SLC1A1: variants seen among roughly 807,000 people sequenced by gnomAD.
The protein encoded by SLC1A1 is solute carrier family 1 member 1.
In SLC1A1, 43 loss-of-function variants were observed where a neutral mutation model predicts 53.3. That is an observed-to-expected ratio of 0.81 (90% CI 0.63 to 1.04). The LOEUF is 1.04. Among genes scored for constraint, SLC1A1 ranks in the 50% least tolerant of loss-of-function variants. The pLI, the probability that SLC1A1 is intolerant of heterozygous loss-of-function variation, is 0.00. For missense variants in SLC1A1, 748 were observed against 664.9 expected, an observed-to-expected ratio of 1.12 and a Z score of -1.37; for synonymous variants, 307 against 243.2, an observed-to-expected ratio of 1.26 and a Z score of -2.44.
intron 2 of SLC1A1, among the ~76,000 whole-genome samples, chr9:4,557,612 C>A (rs1231922746): frequency 6.7e-6 from 1 of 148,256 alleles, no homozygotes; most frequent in Admixed American, 6.8e-5. Flanking sequence ...ATAGTGAGAC[C>A]TCATCTCTAC....
At chr9:4,551,094 A>G (rs2130890369) in intron 2 of SLC1A1, among the ~76,000 whole-genome samples, 1 of 152,356 alleles carries the variant, frequency 6.6e-6, no homozygotes, top group Non-Finnish European at 1.5e-5. Context: ...AATGCACTGA[A>G]GAGACTGAAG....
At chr9:4,494,011 G>A (rs900384155) in intron 1 of SLC1A1, among the ~76,000 whole-genome samples, 1 of 152,162 alleles carries the variant, frequency 6.6e-6, no homozygotes. Flanking sequence ...TCAATAGTTA[G>A]GTGACCATCT....
chr9:4,512,365 A>C (rs1238695913), intron 1 of SLC1A1, among the ~76,000 whole-genome samples: 1 of 151,956 alleles, frequency 6.6e-6, no homozygotes, highest in Non-Finnish European at 1.5e-5. Context: ...AAACTTAGCC[A>C]GGCATGGTGG....
At chr9:4,543,071 A>G (rs964469778) in intron 1 of SLC1A1, among the ~76,000 whole-genome samples, 1 of 152,244 alleles carries the variant, frequency 6.6e-6, no homozygotes, top group East Asian at 1.9e-4. Flanking sequence ...TTAGTATACA[A>G]AATGCATCTT....
At chr9:4,513,625 T>A (rs536641476) in intron 1 of SLC1A1, among the ~76,000 whole-genome samples, 1 of 152,136 alleles carries the variant, frequency 6.6e-6, no homozygotes, top group Non-Finnish European at 1.5e-5. Context: ...GTACAGCCAC[T>A]CTAAAAAACA....
At chr9:4,496,456 G>C (rs1820426281) in intron 1 of SLC1A1, among the ~76,000 whole-genome samples, 1 of 152,002 alleles carries the variant, frequency 6.6e-6, no homozygotes, top group Non-Finnish European at 1.5e-5. Context: ...CTGGCTTCAA[G>C]CTGTCCTCCT....
chr9:4,512,145 G>A (rs567387478), intron 1 of SLC1A1, among the ~76,000 whole-genome samples: 1 of 152,314 alleles, frequency 6.6e-6, no homozygotes, highest in African/African-American at 2.4e-5. Context: ...CATAATTGAT[G>A]TATAGATTTA....
At chr9:4,585,052 G>A (rs1007951514) in intron 11 of SLC1A1, among the ~76,000 whole-genome samples, 4 of 152,146 alleles carry the variant, frequency 2.6e-5, no homozygotes, top group Non-Finnish European at 5.9e-5. Flanking sequence ...TATCTGGAAC[G>A]ACTCTATTCA....
intron 1 of SLC1A1, among the ~76,000 whole-genome samples, chr9:4,504,457 A>G (rs901337155): frequency 2.0e-5 from 3 of 152,238 alleles, no homozygotes; most frequent in Admixed American, 2.0e-4. Context: ...GGTAAACACT[A>G]GATGTGGTCA....
At chr9:4,537,603 A>AAAATAAAATAAAAT (rs1564015980) in intron 1 of SLC1A1, among the ~76,000 whole-genome samples, 1 of 40,550 alleles carries the variant, frequency 2.5e-5, no homozygotes, top group Non-Finnish European at 5.6e-5. Context: ...TAAAATAAAA[A>AAAATAAAATAAAAT]AAAAAAAAAT....
In SLC1A1 at chr9:4,518,870, G is replaced by C. The variant is rs565571733; in HGVS notation, c.92-25697G>C. Among the ~76,000 whole-genome samples the C allele has an allele frequency of 5.9e-5, 9 of 152,290 alleles. No individual in the cohort carries two copies. In the South Asian group the frequency reaches 1.5e-3, roughly 25 times the overall value. ...AATTCTCACCCTGAGTCTGAGTTGGGTATCATTCCTTCTTGACTTATAGCA... is the reference window on the plus strand; with the variant it reads ...AATTCTCACCCTGAGTCTGAGTTGGCTATCATTCCTTCTTGACTTATAGCA... On this transcript the variant is annotated intron_variant, in intron 1 of 11. Transcript: ENST00000262352.
At chr9:4,500,979 C>T (rs1820611330) in intron 1 of SLC1A1, among the ~76,000 whole-genome samples, 1 of 152,102 alleles carries the variant, frequency 6.6e-6, no homozygotes, top group African/African-American at 2.4e-5. Flanking sequence ...GGATACAGTG[C>T]CCTGTTCTCT....
At chr9:4,577,126 T>C (rs758025162) in intron 10 of SLC1A1, among the ~76,000 whole-genome samples, 4 of 152,164 alleles carry the variant, frequency 2.6e-5, no homozygotes, top group Admixed American at 6.5e-5. Context: ...AAGAGAACTC[T>C]GTATGGTGTT....
Position 4,572,399 on chromosome 9 carries a change from A to T in SLC1A1, c.767+11A>T. On this transcript the variant is annotated intron_variant, in intron 7 of 11. Coordinates refer to ENST00000262352, the MANE Select transcript of SLC1A1 (RefSeq NM_004170.6). Reference sequence around the variant, plus strand: ...TCAGATCATCATGTGGTGAGCAGACACTGTTTAATGTCATTTTGCTTCCCC... The same window carrying T: ...TCAGATCATCATGTGGTGAGCAGACTCTGTTTAATGTCATTTTGCTTCCCC... 6.2e-7 allele frequency: 1 copy of T among 1,610,226 alleles called. No homozygotes were observed. The highest frequency in any genetic ancestry group is 8.5e-7 in the Non-Finnish European group (1 of 1,176,454).
chr9:4,503,486 G>C (rs75788400), intron 1 of SLC1A1, among the ~76,000 whole-genome samples: 7,719 of 151,764 alleles, frequency 0.051, 308 homozygotes, highest in Middle Eastern at 0.085. Context: ...CTGCAAGGAG[G>C]CTGCAGCATG....
At position 4,556,574 on chromosome 9, in the gene SLC1A1, G is replaced by A. The variant is rs765102918; in HGVS notation, c.233-4875G>A. 5.3e-5 allele frequency among the ~76,000 whole-genome samples: 8 copies of A among 152,170 alleles called. No individual in the cohort carries two copies. The highest frequency in any genetic ancestry group is 8.8e-5 in the Non-Finnish European group (6 of 68,034). ...AGAGCAAGAAACCCGGGGGTCCATT[G>A]AGAATAAAAACTCAGAACTAAAGGG... On this transcript the variant is annotated intron_variant, in intron 2 of 11. Coordinates refer to ENST00000262352, the MANE Select transcript of SLC1A1 (RefSeq NM_004170.6). The surrounding 1 kb of genome is among the most constrained non-coding windows in gnomAD (Gnocchi z 4.1).
At chr9:4,552,451 T>A (rs923239103) in intron 2 of SLC1A1, among the ~76,000 whole-genome samples, 1 of 151,812 alleles carries the variant, frequency 6.6e-6, no homozygotes, top group Admixed American at 6.6e-5. Context: ...GGGAGGACAG[T>A]GAGACTTGAA....
intron 1 of SLC1A1, among the ~76,000 whole-genome samples, chr9:4,536,676 G>A (rs1453797381): frequency 1.3e-5 from 2 of 152,106 alleles, no homozygotes; most frequent in Non-Finnish European, 2.9e-5. Flanking sequence ...CATTTGACCT[G>A]GCAATCCCAT....
intron 1 of SLC1A1, among the ~76,000 whole-genome samples, chr9:4,535,812 T>C (rs896553098): frequency 2.5e-4 from 38 of 152,066 alleles, no homozygotes; most frequent in African/African-American, 8.9e-4. Context: ...CAAACTATAC[T>C]ACAAGGCTAC....
Sources: allele counts gnomAD v4.1 joint callset (sites outside exome capture counted in the v4.1 genomes callset), GRCh38; gene constraint gnomAD v4.1.1; non-coding constraint Gnocchi (gnomAD v3.1); transcripts MANE v1.5; gene names NCBI Gene and HGNC (gene_info 2026-07-23, HGNC 2026-07-21).